Variants in PAFAH1B2 observed in about 807,000 individuals in gnomAD.
The protein encoded by PAFAH1B2 is platelet activating factor acetylhydrolase 1b catalytic subunit 2.
A neutral mutation model predicts 28.0 loss-of-function variants in PAFAH1B2; 8 were observed. The observed-to-expected ratio is 0.29, with a 90% CI of 0.17 to 0.52. The LOEUF is 0.52. PAFAH1B2 is among the 20% of genes least tolerant of loss of function. The pLI, the probability that PAFAH1B2 is intolerant of heterozygous loss-of-function variation, is 0.97. For synonymous variants in PAFAH1B2, 104 were observed against 103.2 expected (o/e 1.01, Z -0.05); for missense variants, 190 against 282.6 (o/e 0.67, Z 2.35).
intron 3 of PAFAH1B2, 84 bp downstream of exon 3, chr11:117,160,107 T>C: frequency 1.0e-6 from 1 of 980,788 alleles, no homozygotes; most frequent in South Asian, 1.3e-5. Context: ...TGAGCTGAAC[T>C]TACTTATTTG....
At chr11:117,159,867 A>T (rs1048929391) in intron 2 of PAFAH1B2, 67 bp from the exon 3 acceptor site, 1 of 1,156,304 alleles carries the variant, frequency 8.6e-7, no homozygotes, top group Non-Finnish European at 1.3e-6. Flanking sequence ...TTGAGAGTTC[A>T]AGCATGGGCC....
chr11:117,146,524 G>A (rs1438697084), intron 1 of PAFAH1B2, among the ~76,000 whole-genome samples: 1 of 152,126 alleles, frequency 6.6e-6, no homozygotes, highest in Non-Finnish European at 1.5e-5. Flanking sequence ...GCAAGACCTC[G>A]TCTCTACGAA....
In PAFAH1B2 at chr11:117,169,276, C is replaced by T. The variant is rs1270335157; in HGVS notation, c.*1577C>T. On this transcript the variant is annotated 3_prime_UTR_variant, in exon 6 of 6. Transcript: ENST00000527958. ...CTGAGAATTTGTTGATCTTAATGTT[C>T]GAGCTATATAAGAACTGCCATTAAA... 6.7e-6 allele frequency: 7 copies of T among 1,039,006 alleles called. No homozygotes were observed. The highest frequency in any genetic ancestry group is 5.6e-5 in the Admixed American group (1 of 17,750). 64.4% of individuals were successfully genotyped at this position (1,039,006 alleles called of 1,614,324 possible). A position where few individuals can be genotyped will look rare whatever the true frequency, so the allele number is the denominator to read the frequency against.
intron 4 of PAFAH1B2, among the ~76,000 whole-genome samples, chr11:117,163,438 A>G (rs1242714083): frequency 6.6e-6 from 1 of 151,990 alleles, no homozygotes; most frequent in Non-Finnish European, 1.5e-5. Context: ...TTGGGATGCC[A>G]AGGTGGGTGG....
downstream of PAFAH1B2, among the ~76,000 whole-genome samples, chr11:117,172,375 TATATATATATATATATATATATATA>T (rs1956676857): frequency 0.01 from 25 of 2,482 alleles, 1 homozygote; most frequent in African/African-American, 0.023. Flanking sequence ...TATATATATA[TATATATATATATATATATATATATA>T]TATATTTTTT....
chr11:117,168,872 C>G lies in PAFAH1B2; in HGVS notation c.*1173C>G. ...ATGGTGTGATCTTGGCTCACTGCAG[C>G]CTCCACCTCCCGAGTTCAAATGATT... On this transcript the variant is annotated 3_prime_UTR_variant, in exon 6 of 6. Transcript: ENST00000527958. The G allele has an allele frequency of 4.5e-6, 2 of 442,852 alleles. No homozygotes were observed. The highest frequency in any genetic ancestry group is 6.2e-6 in the Non-Finnish European group (2 of 321,812). The allele number at this position is 442,852 out of a possible 1,614,324, so 27.4% of individuals were successfully genotyped here.
At chr11:117,146,282 G>T (rs547114756) in intron 1 of PAFAH1B2, among the ~76,000 whole-genome samples, 1 of 151,612 alleles carries the variant, frequency 6.6e-6, no homozygotes, top group South Asian at 2.1e-4. Flanking sequence ...TAGTAGAGAC[G>T]GGGTTTCGCC....
At chr11:117,150,919 C>T (rs538219033) in intron 1 of PAFAH1B2, among the ~76,000 whole-genome samples, 1 of 149,546 alleles carries the variant, frequency 6.7e-6, no homozygotes, top group East Asian at 2.0e-4. Flanking sequence ...ACCCGGGAGG[C>T]GGAGCTTGCA....
chr11:117,175,373 C>G (rs371995349), downstream of PAFAH1B2: 101 of 1,070,150 alleles, frequency 9.4e-5, no homozygotes, highest in African/African-American at 1.5e-3. Context: ...AGGACCTATT[C>G]ATAAGTGCGG....
intron 2 of PAFAH1B2, among the ~76,000 whole-genome samples, chr11:117,158,025 C>CT (rs1288238884): frequency 2.0e-5 from 3 of 152,044 alleles, no homozygotes; most frequent in Non-Finnish European, 4.4e-5. Flanking sequence ...GTAATCCCAG[C>CT]TACTCGGGAG....
At chr11:117,164,740 A>G (rs543901098) in intron 5 of PAFAH1B2, among the ~76,000 whole-genome samples, 1 of 151,962 alleles carries the variant, frequency 6.6e-6, no homozygotes, top group South Asian at 2.1e-4. Context: ...TTTCAGTATA[A>G]AAGTCTAGCT....
At chr11:117,171,527 C>T, downstream of PAFAH1B2, 2 of 572,546 alleles carry the variant, frequency 3.5e-6, no homozygotes, top group East Asian at 2.8e-5. Flanking sequence ...CAGAGCGAGA[C>T]TCTTGTCTCG....
rs945411567 is a variant in PAFAH1B2 at position 117,169,683 on chromosome 11, C to T, written c.*1984C>T. The stretch of plus-strand genomic sequence containing the variant: ...ACATGGTGTTTACTAAACTTGTTTA[C>T]GACATTAAAAATTTCCTTTTTATTT... On this transcript the variant is annotated 3_prime_UTR_variant, in exon 6 of 6. Coordinates refer to ENST00000527958, the MANE Select transcript of PAFAH1B2 (RefSeq NM_002572.4). 1.5e-5 allele frequency: 16 copies of T among 1,054,506 alleles called. No individual in the cohort carries two copies. In the Admixed American group the frequency reaches 2.2e-4, roughly 14 times the overall value. 65.3% of individuals were successfully genotyped at this position (1,054,506 alleles called of 1,614,324 possible).
intron 5 of PAFAH1B2, among the ~76,000 whole-genome samples, chr11:117,165,999 C>G (rs951754739): frequency 6.6e-6 from 1 of 151,998 alleles, no homozygotes; most frequent in Non-Finnish European, 1.5e-5. Flanking sequence ...CCACCATGCC[C>G]GGCTAATTTT....
At chr11:117,171,690 G>C, downstream of PAFAH1B2, 1 of 1,535,588 alleles carries the variant, frequency 6.5e-7, no homozygotes. Context: ...CGGTTAACTG[G>C]TCGATCGGGA....
At chr11:117,157,540 C>T (rs1284696806) in intron 2 of PAFAH1B2, among the ~76,000 whole-genome samples, 6 of 152,300 alleles carry the variant, frequency 3.9e-5, no homozygotes, top group African/African-American at 1.4e-4. Flanking sequence ...ACAGCCTCAT[C>T]TGCATTGGTA....
downstream of PAFAH1B2, chr11:117,175,823 C>T (rs1447318582): frequency 4.5e-6 from 6 of 1,330,582 alleles, no homozygotes; most frequent in East Asian, 2.5e-5. Flanking sequence ...TCCAGCTACT[C>T]GAGAGGCTGT....
chr11:117,172,418 T>G (rs1291822102), downstream of PAFAH1B2, among the ~76,000 whole-genome samples: 1 of 11,018 alleles, frequency 9.1e-5, no homozygotes. Context: ...TTTTTTTTTT[T>G]TTTTTTTTTT....
At chr11:117,177,149 C>G (rs1442203389), downstream of PAFAH1B2, among the ~76,000 whole-genome samples, 2 of 152,176 alleles carry the variant, frequency 1.3e-5, no homozygotes, top group Non-Finnish European at 2.9e-5. Context: ...GCAGAGGTTG[C>G]AATGAGCTGA....
Sources: allele counts gnomAD v4.1 joint callset (sites outside exome capture counted in the v4.1 genomes callset), GRCh38; gene constraint gnomAD v4.1.1; transcripts MANE v1.5; gene names NCBI Gene and HGNC (gene_info 2026-07-23, HGNC 2026-07-21).